Variants in SIPA1L2 observed in about 807,000 individuals in gnomAD.
SIPA1L2 encodes signal induced proliferation associated 1 like 2, also known as signal-induced proliferation-associated 1-like protein 2.
In SIPA1L2, 56 loss-of-function variants were observed where a neutral mutation model predicts 163.9. The ratio of observed to expected loss-of-function variants is 0.34; its 90% confidence interval spans 0.28 to 0.43. The LOEUF (loss-of-function observed/expected upper bound fraction) is 0.43, where lower values mean the gene tolerates loss of function less well. SIPA1L2 is among the 20% of genes least tolerant of loss of function. The pLI, the probability that SIPA1L2 is intolerant of heterozygous loss-of-function variation, is 1.00. For synonymous variants in SIPA1L2, 877 were observed against 865.7 expected (o/e 1.01, Z -0.23); for missense variants, 1,974 against 2,193.5 (o/e 0.90, Z 2.00).
intron 1 of SIPA1L2, among the ~76,000 whole-genome samples, chr1:232,612,121 G>A (rs141285950): frequency 4.6e-5 from 7 of 152,352 alleles, no homozygotes; most frequent in Admixed American, 3.9e-4. Context: ...GAGCTCACGA[G>A]TGCACAGAAG....
chr1:232,543,969 G>C (rs1456189468), intron 2 of SIPA1L2, among the ~76,000 whole-genome samples: 1 of 152,130 alleles, frequency 6.6e-6, no homozygotes, highest in East Asian at 1.9e-4. Flanking sequence ...GAGGGGGTTG[G>C]TGCCCCTAAC....
At chr1:232,434,900 C>T (rs868717984) in intron 15 of SIPA1L2, among the ~76,000 whole-genome samples, 21 of 152,156 alleles carry the variant, frequency 1.4e-4, no homozygotes, top group African/African-American at 4.8e-4. Flanking sequence ...AGGACATCCC[C>T]CCAGTAGTTA....
At chr1:232,552,057 C>T (rs529237346) in intron 2 of SIPA1L2, among the ~76,000 whole-genome samples, 3 of 152,052 alleles carry the variant, frequency 2.0e-5, no homozygotes, top group Non-Finnish European at 4.4e-5. Context: ...CCAGGCTGGT[C>T]TCGAATTCCT....
intron 3 of SIPA1L2, among the ~76,000 whole-genome samples, chr1:232,501,050 A>ATTTTTTTTTTTTTTTTTTTTTTTTTTT (rs60008360): frequency 2.5e-5 from 2 of 78,450 alleles, no homozygotes; most frequent in Non-Finnish European, 4.6e-5. Context: ...GCAATGAAGT[A>ATTTTTTTTTTTTTTTTTTTTTTTTTTT]TTTTTTTTTT....
chr1:232,542,842 T>C (rs1657772491), intron 2 of SIPA1L2, among the ~76,000 whole-genome samples: 1 of 152,230 alleles, frequency 6.6e-6, no homozygotes, highest in African/African-American at 2.4e-5. Flanking sequence ...TGCACATTCC[T>C]TTCGCTCATA....
chr1:232,616,732 A>G (rs1290094014), intron 1 of SIPA1L2, among the ~76,000 whole-genome samples: 1 of 152,222 alleles, frequency 6.6e-6, no homozygotes, highest in Non-Finnish European at 1.5e-5. Flanking sequence ...CCTAAGGAAA[A>G]GTCTTCCCAC....
At chr1:232,564,971 AC>A (rs1052154960) in intron 2 of SIPA1L2, among the ~76,000 whole-genome samples, 57 of 152,138 alleles carry the variant, frequency 3.7e-4, no homozygotes, top group African/African-American at 1.3e-3. Context: ...AACCTAGATG[AC>A]GGGTTGATAG....
intron 2 of SIPA1L2, among the ~76,000 whole-genome samples, chr1:232,541,570 A>G (rs367920851): frequency 6.6e-6 from 1 of 152,210 alleles, no homozygotes; most frequent in African/African-American, 2.4e-5. Context: ...TTTTCTTGTC[A>G]ATATCTGCAT....
At chr1:232,442,185 G>A (rs924748495) in intron 12 of SIPA1L2, among the ~76,000 whole-genome samples, 10 of 152,004 alleles carry the variant, frequency 6.6e-5, no homozygotes, top group African/African-American at 2.2e-4. Context: ...AAGCTACGGA[G>A]GAGGTCGCAT....
chr1:232,600,872 C>A (rs1302878578), intron 1 of SIPA1L2, among the ~76,000 whole-genome samples: 10 of 152,166 alleles, frequency 6.6e-5, no homozygotes, highest in African/African-American at 2.4e-4. Context: ...AGCAATGTCA[C>A]CCCTGTCCTA....
chr1:232,567,245 T>C (rs1659460664), intron 2 of SIPA1L2, among the ~76,000 whole-genome samples: 1 of 152,154 alleles, frequency 6.6e-6, no homozygotes, highest in African/African-American at 2.4e-5. Context: ...ACTAAAATAT[T>C]ATCTGCCACA....
Position 232,455,617 on chromosome 1 carries a change from CTTGCAGCGAGGCGGA to C in SIPA1L2, c.3095+5255_3095+5269del, listed in dbSNP as rs1361725963. Among the ~76,000 whole-genome samples, 16 of 71,564 alleles carry C rather than the reference CTTGCAGCGAGGCGGA, an allele frequency of 2.2e-4. 1 individual carries two copies. Among genetic ancestry groups the C allele is most frequent in the African/African-American group, 1.1e-3 (16 of 14,618 alleles). 46.9% of individuals were successfully genotyped at this position (71,564 alleles called of 152,430 possible). A position where few individuals can be genotyped will look rare whatever the true frequency, so the allele number is the denominator to read the frequency against. ...AATGGCGTGAACCCGTGAGGCGGAGCTTGCAGCGAGGCGGAGCTTGCAGCGAGCCGGAGCTTGCAG... is the reference window on the plus strand; with the variant it reads ...AATGGCGTGAACCCGTGAGGCGGAGCGCTTGCAGCGAGCCGGAGCTTGCAG... On this transcript the variant is annotated intron_variant, in intron 10 of 22. Coordinates refer to ENST00000674635, the MANE Select transcript of SIPA1L2 (RefSeq NM_020808.5).
intron 1 of SIPA1L2, among the ~76,000 whole-genome samples, chr1:232,624,422 T>G (rs1169362547): frequency 1.3e-5 from 2 of 152,220 alleles, no homozygotes; most frequent in Non-Finnish European, 2.9e-5. Context: ...CAAAACCACC[T>G]CCAGAAGACA....
At chr1:232,431,514 G>A (rs1273018602) in intron 16 of SIPA1L2, among the ~76,000 whole-genome samples, 1 of 152,200 alleles carries the variant, frequency 6.6e-6, no homozygotes, top group Non-Finnish European at 1.5e-5. Flanking sequence ...TGCAAGCCAC[G>A]CTCAGCACCA....
At chr1:232,431,858 AG>A (rs906343261) in intron 16 of SIPA1L2, among the ~76,000 whole-genome samples, 2 of 152,244 alleles carry the variant, frequency 1.3e-5, no homozygotes, top group Non-Finnish European at 2.9e-5. Flanking sequence ...GCTAAAATTA[AG>A]AAAAATACTT....
At chr1:232,405,349 A>C (rs1328132944) in intron 19 of SIPA1L2, among the ~76,000 whole-genome samples, 1 of 152,274 alleles carries the variant, frequency 6.6e-6, no homozygotes, top group Non-Finnish European at 1.5e-5. Flanking sequence ...CGAATCTTCC[A>C]TAAGATGATA....
intron 2 of SIPA1L2, among the ~76,000 whole-genome samples, 120 bp downstream of exon 2, chr1:232,574,054 A>G (rs1659948020): frequency 6.6e-6 from 1 of 152,026 alleles, no homozygotes; most frequent in South Asian, 2.1e-4. Context: ...ATAAAAACAT[A>G]CACTCTATCA....
chr1:232,484,063 A>G (rs879252827), intron 5 of SIPA1L2, 97 bp from the exon 6 acceptor site: 1 of 1,171,442 alleles, frequency 8.5e-7, no homozygotes. Flanking sequence ...TTGTTCTAGG[A>G]AAGCATGCCA....
intron 1 of SIPA1L2, among the ~76,000 whole-genome samples, chr1:232,600,892 T>C (rs1400880776): frequency 2.6e-5 from 4 of 152,054 alleles, no homozygotes; most frequent in African/African-American, 7.2e-5. Context: ...ACAAAATGGG[T>C]TGTAGAATAA....
Sources: gnomAD v4.1 joint callset for allele counts (sites outside exome capture counted in the v4.1 genomes callset) on GRCh38, gnomAD v4.1.1 for gene constraint, MANE v1.5 for transcripts, NCBI Gene and HGNC (gene_info 2026-07-23, HGNC 2026-07-21) for gene names.